Variants in RPS6KA2 observed in about 807,000 individuals in gnomAD.
RPS6KA2 encodes ribosomal protein S6 kinase alpha-2.
Under a neutral mutation model 91.8 loss-of-function variants are expected in RPS6KA2, and 42 were observed. That is an observed-to-expected ratio of 0.46 (90% CI 0.36 to 0.59). The LOEUF (loss-of-function observed/expected upper bound fraction) is 0.59, where lower values mean the gene tolerates loss of function less well. Among genes scored for constraint, RPS6KA2 ranks in the 20% least tolerant of loss-of-function variants. The pLI is 0.00. For missense variants in RPS6KA2, 798 were observed against 978.5 expected (o/e 0.82, Z 2.46); for synonymous variants, 414 against 393.6 (o/e 1.05, Z -0.61).
Position 166,498,425 on chromosome 6 carries a change from C to T in RPS6KA2, c.747+83G>A, listed in dbSNP as rs558834922. ...TCAGGCACTGCCTTCTTCCGCATTTCGGGACCTCTGAACCAACCTGGGGAC... is the reference window on the plus strand; with the variant it reads ...TCAGGCACTGCCTTCTTCCGCATTTTGGGACCTCTGAACCAACCTGGGGAC... On this transcript the variant is annotated intron_variant, in intron 8 of 20. Transcript: ENST00000265678. The T allele has an allele frequency of 3.3e-5, 47 of 1,444,044 alleles. No individual in the cohort carries two copies. In the East Asian group the frequency reaches 5.1e-4, roughly 16 times the overall value. 89.5% of individuals were successfully genotyped at this position (1,444,044 alleles called of 1,614,324 possible). A position where few individuals can be genotyped will look rare whatever the true frequency, so the allele number is the denominator to read the frequency against.
chr6:166,585,484 G>T lies in RPS6KA2; in HGVS notation c.99+41437C>A, dbSNP rs144788829. Reference sequence around the variant, plus strand: ...AGGTTAAAGAGAAAATCTCAAACATGACATCAAACAAGTCTTTTTTTTTTT... The same window carrying T: ...AGGTTAAAGAGAAAATCTCAAACATTACATCAAACAAGTCTTTTTTTTTTT... On this transcript the variant is annotated intron_variant, in intron 1 of 20. Transcript: ENST00000265678. 1.3e-3 allele frequency among the ~76,000 whole-genome samples: 181 copies of T among 141,928 alleles called. 8 individuals carry two copies. The highest frequency in any genetic ancestry group is 4.4e-3 in the African/African-American group (172 of 39,030). The allele number at this position is 141,928 out of a possible 152,430, so 93.1% of individuals were successfully genotyped here. A position where few individuals can be genotyped will look rare whatever the true frequency, so the allele number is the denominator to read the frequency against.
At chr6:166,597,167 G>A (rs1462611857) in intron 1 of RPS6KA2, among the ~76,000 whole-genome samples, 1 of 152,364 alleles carries the variant, frequency 6.6e-6, no homozygotes. Context: ...GCCATGGGAG[G>A]CAAGAGAGGG....
intron 1 of RPS6KA2, among the ~76,000 whole-genome samples, chr6:166,593,131 G>A (rs569198626): frequency 2.0e-5 from 3 of 152,282 alleles, no homozygotes; most frequent in South Asian, 2.1e-4. Flanking sequence ...CAAAGAAGGC[G>A]GCATGAAGTC....
intron 14 of RPS6KA2, 91 bp from the exon 15 acceptor site, chr6:166,432,581 G>A: frequency 5.6e-6 from 4 of 708,990 alleles, no homozygotes; most frequent in Non-Finnish European, 9.9e-6. Context: ...GATAAAGTCT[G>A]GCCCCAGGTG....
At chr6:166,783,048 G>GTATTATTAT (rs71686287) in intron 2 of RPS6KA2, among the ~76,000 whole-genome samples, 2 of 134,732 alleles carry the variant, frequency 1.5e-5, no homozygotes, top group African/African-American at 2.8e-5. Context: ...TATCTTTTAG[G>GTATTATTAT]TATTATTATT....
At chr6:166,415,953 C>CCTTCACCATCAT (rs1215063757) in intron 19 of RPS6KA2, among the ~76,000 whole-genome samples, 3 of 148,066 alleles carry the variant, frequency 2.0e-5, no homozygotes, top group South Asian at 4.5e-4. Flanking sequence ...ACCACAATCA[C>CCTTCACCATCAT]CTTCACCATC....
chr6:166,838,522 T>A (rs1780377891), intron 2 of RPS6KA2, among the ~76,000 whole-genome samples: 1 of 152,168 alleles, frequency 6.6e-6, no homozygotes, highest in Middle Eastern at 3.2e-3. Flanking sequence ...AAAAAGTTTA[T>A]CTAGTCCACG....
At chr6:166,573,374 G>C (rs1315661715) in intron 1 of RPS6KA2, among the ~76,000 whole-genome samples, 3 of 152,236 alleles carry the variant, frequency 2.0e-5, no homozygotes, top group Non-Finnish European at 4.4e-5. Context: ...AGGTTGAAGA[G>C]GATGGCAGGG....
chr6:166,790,229 G>A (rs1474892632), intron 2 of RPS6KA2, among the ~76,000 whole-genome samples: 3 of 152,208 alleles, frequency 2.0e-5, no homozygotes, highest in African/African-American at 7.2e-5. Context: ...GAAGCCTCAG[G>A]AGCCGATGCG....
chr6:166,802,216 G>A (rs1259139168), intron 2 of RPS6KA2, among the ~76,000 whole-genome samples: 1 of 151,438 alleles, frequency 6.6e-6, no homozygotes, highest in Non-Finnish European at 1.5e-5. Context: ...ATTGCAGTGA[G>A]CTGACATCAC....
chr6:166,769,835 C>T (rs1274402344), intron 2 of RPS6KA2, among the ~76,000 whole-genome samples: 1 of 152,212 alleles, frequency 6.6e-6, no homozygotes, highest in Admixed American at 6.5e-5. Flanking sequence ...CGGCCGCATC[C>T]TTGTGCAGTG....
At chr6:166,562,969 A>G (rs1784386635) in intron 1 of RPS6KA2, among the ~76,000 whole-genome samples, 1 of 152,236 alleles carries the variant, frequency 6.6e-6, no homozygotes, top group Non-Finnish European at 1.5e-5. Flanking sequence ...CCGGCGGGAC[A>G]GACTGAGAAG....
chr6:166,699,069 C>T (rs1226095582), intron 2 of RPS6KA2, among the ~76,000 whole-genome samples: 2 of 152,054 alleles, frequency 1.3e-5, no homozygotes, highest in Non-Finnish European at 2.9e-5. Flanking sequence ...TCCAGCGACC[C>T]CTATGAGTGC....
intron 14 of RPS6KA2, chr6:166,440,222 A>G (rs1392746694): frequency 6.6e-6 from 1 of 152,218 alleles, no homozygotes; most frequent in Admixed American, 6.5e-5. Flanking sequence ...GAGAGTTGAG[A>G]GCCAAGTTTT....
intron 14 of RPS6KA2, among the ~76,000 whole-genome samples, chr6:166,439,320 C>G (rs1779445393): frequency 1.3e-5 from 2 of 152,206 alleles, no homozygotes; most frequent in African/African-American, 4.8e-5. Flanking sequence ...GTTGGCCAGG[C>G]TGGTCTCGAA....
chr6:166,474,879 A>G (rs1206544790), intron 10 of RPS6KA2, among the ~76,000 whole-genome samples: 2 of 152,162 alleles, frequency 1.3e-5, no homozygotes, highest in African/African-American at 2.4e-5. Context: ...GCACAGAGGG[A>G]CCAAATGTCC....
chr6:166,603,205 A>T lies in RPS6KA2; in HGVS notation c.99+23716T>A, dbSNP rs1785813071. On this transcript the variant is annotated intron_variant, in intron 1 of 20. Transcript: ENST00000265678. This position sits in a 1 kb window ranked among gnomAD's most constrained non-coding sequence, Gnocchi z 4.3. ...ATCCAGAAAGAGCCTTCCCTCTGCT[A>T]CTTCCCTGTCTGCGGTCTCTGCGTG... is the stretch of plus-strand genomic sequence containing the variant. 6.6e-6 allele frequency among the ~76,000 whole-genome samples: 1 copy of T among 152,222 alleles called. No individual in the cohort carries two copies. The highest frequency in any genetic ancestry group is 2.4e-5 in the African/African-American group (1 of 41,450).
intron 2 of RPS6KA2, among the ~76,000 whole-genome samples, chr6:166,683,700 G>A (rs1479526038): frequency 6.6e-6 from 1 of 152,220 alleles, no homozygotes; most frequent in Non-Finnish European, 1.5e-5. Flanking sequence ...GAGCACATCA[G>A]ACTGAGAACA....
chr6:166,688,757 G>A lies in RPS6KA2; in HGVS notation c.124-149973C>T, dbSNP rs60025655. Among the ~76,000 whole-genome samples the A allele has an allele frequency of 2.6e-5, 4 of 152,318 alleles. No homozygotes were observed. In the South Asian group the frequency reaches 6.2e-4, roughly 24 times the overall value. ...AGGTTAGCCAAACAACAGAAACCCC[G>A]CATGGGGGCAGCCTGGGAGCCCTCT... On this transcript the variant is annotated intron_variant, in intron 2 of 21. Transcript: ENST00000503859.
Sources: allele counts gnomAD v4.1 joint callset (sites outside exome capture counted in the v4.1 genomes callset), GRCh38; gene constraint gnomAD v4.1.1; non-coding constraint Gnocchi (gnomAD v3.1); transcripts MANE v1.5; gene names NCBI Gene and HGNC (gene_info 2026-07-23, HGNC 2026-07-21).